Variants in TUT4 observed in about 807,000 individuals in gnomAD.
TUT4 encodes the protein terminal uridylyltransferase 4.
A neutral mutation model predicts 192.2 loss-of-function variants in TUT4; 36 were observed. That is an observed-to-expected ratio of 0.19 (90% CI 0.14 to 0.25). The LOEUF is 0.25. Ranked by LOEUF, TUT4 falls within the 10% of genes least tolerant of loss-of-function variation. The pLI, the probability that TUT4 is intolerant of heterozygous loss-of-function variation, is 1.00. For missense variants in TUT4, 1,493 were observed against 1,957.2 expected (o/e 0.76, Z 4.47); for synonymous variants, 618 against 666.0 (o/e 0.93, Z 1.11).
At chr1:52,489,671 G>A (rs1670655183) in intron 8 of TUT4, among the ~76,000 whole-genome samples, 1 of 152,200 alleles carries the variant, frequency 6.6e-6, no homozygotes, top group African/African-American at 2.4e-5. Context: ...AATCTGAGGT[G>A]TCACACACAG....
chr1:52,510,084 G>A (rs1205898127), intron 3 of TUT4, among the ~76,000 whole-genome samples: 2 of 152,018 alleles, frequency 1.3e-5, no homozygotes, highest in Non-Finnish European at 2.9e-5. Context: ...GGACGACGCT[G>A]GCAGATCACT....
intron 4 of TUT4, among the ~76,000 whole-genome samples, chr1:52,504,491 G>A (rs750287577): frequency 9.9e-5 from 15 of 152,042 alleles, no homozygotes; most frequent in Admixed American, 7.9e-4. Flanking sequence ...TTAGCCAGGC[G>A]TGGTGGCATG....
At chr1:52,445,698 T>G in intron 24 of TUT4, 89 bp downstream of exon 24, 8 of 950,494 alleles carry the variant, frequency 8.4e-6, no homozygotes, top group Non-Finnish European at 1.3e-5. Context: ...TCTCTTTCCC[T>G]ATATCTAACA....
chr1:52,428,744 T>C (rs1281343607), intron 28 of TUT4, among the ~76,000 whole-genome samples: 1 of 151,964 alleles, frequency 6.6e-6, no homozygotes, highest in Non-Finnish European at 1.5e-5. Flanking sequence ...TGAGCCGAGA[T>C]TGTTCCACTG....
At chr1:52,459,447 G>A (rs979544866) in intron 19 of TUT4, among the ~76,000 whole-genome samples, 1 of 152,078 alleles carries the variant, frequency 6.6e-6, no homozygotes, top group African/African-American at 2.4e-5. Context: ...AAAATAGTTG[G>A]GCATGGTGGC....
chr1:52,444,824 C>A (rs1429995144), intron 24 of TUT4, among the ~76,000 whole-genome samples: 1 of 150,906 alleles, frequency 6.6e-6, no homozygotes, highest in Non-Finnish European at 1.5e-5. Context: ...TCTCCTTGCC[C>A]CTCAGCTGCA....
chr1:52,526,187 G>T lies in TUT4; in HGVS notation c.94C>A (p.Gln32Lys). Residue 32 changes from glutamine (Q) to lysine (K), a missense_variant, in exon 2 of 30, where the codon CAA becomes AAA. Physicochemically the swap from Gln to Lys is moderately conservative, Grantham distance 53 (BLOSUM62 1). Coordinates refer to ENST00000257177, the MANE Select transcript of TUT4 (RefSeq NM_001009881.3). ...TTATCATTTCTAGCTTTCAATGTTTGATTACCTATAACTTGAACTGCTTTG... is the reference window on the plus strand; with the variant it reads ...TTATCATTTCTAGCTTTCAATGTTTTATTACCTATAACTTGAACTGCTTTG... ...ESKAVQVIGN[Q>K]TLKARNDKSV... The T allele has an allele frequency of 6.2e-7, 1 of 1,611,032 alleles. No individual in the cohort carries two copies. Among genetic ancestry groups the T allele is most frequent in the South Asian group, 1.1e-5 (1 of 90,568 alleles).
At chr1:52,442,282 TAGG>T (rs1655881124) in intron 24 of TUT4, among the ~76,000 whole-genome samples, 1 of 150,712 alleles carries the variant, frequency 6.6e-6, no homozygotes, top group South Asian at 2.1e-4. Flanking sequence ...GGTCAATATA[TAGG>T]AGAACATAAT....
At chr1:52,548,980 C>T (rs527841718) in intron 1 of TUT4, among the ~76,000 whole-genome samples, 3 of 152,158 alleles carry the variant, frequency 2.0e-5, no homozygotes, top group Non-Finnish European at 4.4e-5. Context: ...TGATCTCCCC[C>T]AGAGGTGTTT....
chr1:52,441,733 T>C (rs1311280652), intron 24 of TUT4, among the ~76,000 whole-genome samples: 1 of 152,148 alleles, frequency 6.6e-6, no homozygotes, highest in Admixed American at 6.6e-5. Context: ...CTGTACTATA[T>C]ACTTAAAATT....
intron 1 of TUT4, among the ~76,000 whole-genome samples, chr1:52,534,278 T>G (rs923197374): frequency 1.3e-5 from 2 of 152,196 alleles, no homozygotes; most frequent in African/African-American, 4.8e-5. Flanking sequence ...TAAGTCTGCC[T>G]AATTCTGGCA....
intron 24 of TUT4, among the ~76,000 whole-genome samples, chr1:52,441,452 T>G (rs1305326480): frequency 6.9e-6 from 1 of 145,008 alleles, no homozygotes; most frequent in Non-Finnish European, 1.5e-5. Flanking sequence ...AAATTTTTTT[T>G]TTTTTTTTTT....
chr1:52,551,162 T>TA lies in TUT4; in HGVS notation c.-94+1768dup, dbSNP rs532774741. 2.0e-4 allele frequency among the ~76,000 whole-genome samples: 30 copies of TA among 152,368 alleles called. No individual in the cohort carries two copies. In the East Asian group the frequency reaches 5.8e-3, roughly 29 times the overall value. On this transcript the variant is annotated intron_variant, in intron 1 of 29. Coordinates refer to ENST00000257177, the MANE Select transcript of TUT4 (RefSeq NM_001009881.3). Reference sequence around the variant, plus strand: ...AATTTTAGGTGTCACTTAGAATTTATAAACTTGAACTTATATGCATGACAA... The same window carrying TA: ...AATTTTAGGTGTCACTTAGAATTTATAAAACTTGAACTTATATGCATGACAA...
intron 11 of TUT4, among the ~76,000 whole-genome samples, chr1:52,479,615 T>C (rs550405999): frequency 2.0e-5 from 3 of 152,174 alleles, no homozygotes; most frequent in East Asian, 3.9e-4. Flanking sequence ...AAGGATGCAG[T>C]GCAAACAATT....
At chr1:52,468,090 CAT>C in intron 15 of TUT4, 89 bp downstream of exon 15, 2 of 934,288 alleles carry the variant, frequency 2.1e-6, no homozygotes, top group Non-Finnish European at 3.3e-6. Flanking sequence ...GTACTTAACA[CAT>C]AGCATTCAAT....
At chr1:52,529,971 T>C (rs767572550) in intron 1 of TUT4, 3 of 152,172 alleles carry the variant, frequency 2.0e-5, no homozygotes, top group Non-Finnish European at 4.4e-5. Context: ...GCCACCCAAC[T>C]AGCTGGGACT....
intron 11 of TUT4, among the ~76,000 whole-genome samples, chr1:52,478,908 G>A (rs943078747): frequency 2.6e-5 from 4 of 152,096 alleles, no homozygotes; most frequent in Non-Finnish European, 5.9e-5. Context: ...CAAAGATCTT[G>A]CCTTCATGGA....
chr1:52,527,566 C>A (rs900175963), intron 1 of TUT4, among the ~76,000 whole-genome samples: 5 of 151,670 alleles, frequency 3.3e-5, no homozygotes, highest in Non-Finnish European at 7.4e-5. Context: ...ACAACAACAA[C>A]AAAAAGGAAC....
chr1:52,425,194 C>G (rs774719549), intron 29 of TUT4, 155 bp downstream of exon 29: 442 of 837,824 alleles, frequency 5.3e-4, no homozygotes, highest in Non-Finnish European at 7.3e-4. Flanking sequence ...TTTTGTTTTA[C>G]AAGCACCTAG....
Sources: allele counts gnomAD v4.1 joint callset (sites outside exome capture counted in the v4.1 genomes callset), GRCh38; gene constraint gnomAD v4.1.1; transcripts MANE v1.5; gene names NCBI Gene and HGNC (gene_info 2026-07-23, HGNC 2026-07-21).